RYR3: variants seen among roughly 807,000 people sequenced by gnomAD.
The protein encoded by RYR3 is ryanodine receptor 3.
Under a neutral mutation model 584.3 loss-of-function variants are expected in RYR3, and 207 were observed. The ratio of observed to expected loss-of-function variants is 0.35; its 90% CI spans 0.32 to 0.40. The LOEUF is 0.40. Ranked by LOEUF, RYR3 falls within the 10% of genes least tolerant of loss-of-function variation. The pLI is 1.00. For missense variants in RYR3, 5,616 were observed against 6,089.2 expected, an observed-to-expected ratio of 0.92 and a Z score of 2.59; for synonymous variants, 2,416 against 2,248.5, an observed-to-expected ratio of 1.07 and a Z score of -2.11.
chr15:33,533,098 C>T (rs990166133), intron 4 of RYR3, among the ~76,000 whole-genome samples: 9 of 152,086 alleles, frequency 5.9e-5, no homozygotes, highest in Non-Finnish European at 1.3e-4. Context: ...GCCTGGGCAA[C>T]AGAATGAGAC....
At chr15:33,692,749 G>A (rs903556365) in intron 38 of RYR3, among the ~76,000 whole-genome samples, 1 of 151,738 alleles carries the variant, frequency 6.6e-6, no homozygotes, top group African/African-American at 2.4e-5. Flanking sequence ...TTCATGCTTT[G>A]AGGCTAAAAG....
In RYR3 at chr15:33,860,655, T is replaced by C. The variant is rs1597106547; in HGVS notation, c.14360T>C (p.Met4787Thr). The change falls in exon 101 of 104, where the codon ATG becomes ACG. Residue 4787 changes from methionine to threonine, a missense_variant. By Grantham distance (81) the Met-to-Thr change is moderately conservative. This residue lies in a region of RYR3 where 918 missense variants were observed against 887.4 expected (regional missense o/e 1.03). Coordinates refer to ENST00000634891, the MANE Select transcript of RYR3 (RefSeq NM_001036.6). ...RDQQEQVRED[M>T]ETKCFICGIG... ...CAGCAGGAACAAGTACGAGAAGATA[T>C]GGAGGTAATGTTACTCTAACTACTA... The C allele has an allele frequency of 6.3e-7, 1 of 1,586,544 alleles. No homozygotes were observed. The highest frequency in any genetic ancestry group is 2.3e-5 in the East Asian group (1 of 44,438).
chr15:33,632,410 T>C (rs1179436599), intron 23 of RYR3, among the ~76,000 whole-genome samples: 1 of 152,356 alleles, frequency 6.6e-6, no homozygotes, highest in Non-Finnish European at 1.5e-5. Flanking sequence ...AGGCTGTAAC[T>C]CTTGGACTGG....
intron 12 of RYR3, among the ~76,000 whole-genome samples, chr15:33,568,543 A>G (rs1408295310): frequency 6.6e-6 from 1 of 151,578 alleles, no homozygotes; most frequent in Non-Finnish European, 1.5e-5. Flanking sequence ...CAATCCTCCC[A>G]CCTTAGCCTC....
chr15:33,597,618 C>CAAAAA (rs3085330), intron 16 of RYR3, among the ~76,000 whole-genome samples: 41 of 128,282 alleles, frequency 3.2e-4, no homozygotes, highest in African/African-American at 9.6e-4. Flanking sequence ...GACTCTGTCT[C>CAAAAA]AAAAAAAAAA....
At chr15:33,563,609 G>GA (rs2057535263) in intron 11 of RYR3, among the ~76,000 whole-genome samples, 2 of 152,124 alleles carry the variant, frequency 1.3e-5, no homozygotes, top group Admixed American at 6.5e-5. Context: ...ACCAAATAAT[G>GA]GATGTCAAAG....
intron 1 of RYR3, among the ~76,000 whole-genome samples, chr15:33,427,598 T>C (rs2044755381): frequency 6.6e-6 from 1 of 152,246 alleles, no homozygotes; most frequent in Non-Finnish European, 1.5e-5. Flanking sequence ...TTTCAAACTC[T>C]TGACTTTATT....
At chr15:33,658,390 A>G (rs549947972) in intron 32 of RYR3, among the ~76,000 whole-genome samples, 1 of 152,300 alleles carries the variant, frequency 6.6e-6, no homozygotes, top group African/African-American at 2.4e-5. Context: ...CACATCTCCA[A>G]GGTCATCTGG....
chr15:33,593,341 G>C (rs1444553338), intron 16 of RYR3, among the ~76,000 whole-genome samples: 4 of 152,124 alleles, frequency 2.6e-5, no homozygotes, highest in African/African-American at 9.7e-5. Flanking sequence ...ATCTCTCATA[G>C]CTAGAAGGGT....
intron 1 of RYR3, among the ~76,000 whole-genome samples, chr15:33,458,371 C>G (rs765933711): frequency 1.3e-4 from 20 of 152,142 alleles, no homozygotes; most frequent in Non-Finnish European, 2.5e-4. Flanking sequence ...TGCCCTTGGA[C>G]CTTGTTGCTC....
chr15:33,632,250 T>G (rs1388722066), intron 23 of RYR3, among the ~76,000 whole-genome samples: 1 of 152,242 alleles, frequency 6.6e-6, no homozygotes, highest in African/African-American at 2.4e-5. Flanking sequence ...GGGCCATAGA[T>G]ACCTTTAAAC....
At chr15:33,511,935 C>G (rs1056457279) in intron 3 of RYR3, among the ~76,000 whole-genome samples, 1 of 152,096 alleles carries the variant, frequency 6.6e-6, no homozygotes, top group Non-Finnish European at 1.5e-5. Context: ...CCCGCCACCA[C>G]GCCCGGCTAA....
At chr15:33,756,424 A>G (rs763113601) in intron 59 of RYR3, 51 bp downstream of exon 59, 4 of 1,336,378 alleles carry the variant, frequency 3.0e-6, no homozygotes, top group Non-Finnish European at 4.2e-6. Flanking sequence ...GATCTCTACT[A>G]TTTAGGAAAC....
chr15:33,572,497 G>T (rs1223709959), intron 12 of RYR3, among the ~76,000 whole-genome samples: 3 of 151,506 alleles, frequency 2.0e-5, no homozygotes, highest in African/African-American at 7.3e-5. Flanking sequence ...AGTTTTTCCC[G>T]AGCATGTGTG....
Position 33,662,723 on chromosome 15 carries a change from C to G in RYR3, c.5193C>G (p.Thr1731=), listed in dbSNP as rs1391931788. 1.2e-6 allele frequency: 2 copies of G among 1,614,020 alleles called. No homozygotes were observed. Among genetic ancestry groups the G allele is most frequent in the African/African-American group, 2.7e-5 (2 of 74,922 alleles). ...QFVPVLKLIG[T]LLVMGVFDDD... ...TGCCTGTGCTGAAACTCATTGGAAC[C>G]CTGCTGGTCATGGGCGTGTTTGATG... Residue 1731 remains threonine (T), a synonymous_variant, in exon 35 of 104, where the codon ACC becomes ACG. Coordinates refer to ENST00000634891, the MANE Select transcript of RYR3 (RefSeq NM_001036.6).
intron 78 of RYR3, 86 bp from the exon 79 acceptor site, chr15:33,821,184 G>A: frequency 9.4e-7 from 1 of 1,067,476 alleles, no homozygotes. Context: ...TTAGGTAACT[G>A]GAAAATTCTC....
chr15:33,631,397 G>A, intron 23 of RYR3, 104 bp downstream of exon 23: 2 of 707,554 alleles, frequency 2.8e-6, no homozygotes, highest in Non-Finnish European at 4.7e-6. Flanking sequence ...ATAGTTGCTA[G>A]CACCAGCTCA....
chr15:33,811,941 C>G (rs182925174), intron 72 of RYR3, among the ~76,000 whole-genome samples: 1 of 152,128 alleles, frequency 6.6e-6, no homozygotes, highest in Admixed American at 6.5e-5. Flanking sequence ...AGCCAACACA[C>G]AAAGTCTTTC....
At chr15:33,572,127 A>G (rs1567565276) in intron 12 of RYR3, among the ~76,000 whole-genome samples, 1 of 152,198 alleles carries the variant, frequency 6.6e-6, no homozygotes, top group Admixed American at 6.5e-5. Flanking sequence ...TTATATCTTC[A>G]TAAGTTATAA....
Sources: gnomAD v4.1 joint callset for allele counts (sites outside exome capture counted in the v4.1 genomes callset) on GRCh38, gnomAD v4.1.1 for gene constraint, gnomAD v4.1.1 regional missense constraint, MANE v1.5 for transcripts, NCBI Gene and HGNC (gene_info 2026-07-23, HGNC 2026-07-21) for gene names.